The following XKR4 variants were observed in gnomAD, a reference collection of about 807,000 sequenced individuals.
XKR4 encodes XK-related protein 4.
XKR4 carries 12 observed loss-of-function variants against 53.9 expected under a neutral mutation model. That is an observed-to-expected ratio of 0.22 (90% CI 0.14 to 0.36). The LOEUF is 0.36. XKR4 is among the 10% of genes least tolerant of loss of function. XKR4 has a pLI of 1.00. For missense variants in XKR4, 799 were observed against 859.5 expected (o/e 0.93, Z 0.88); for synonymous variants, 354 against 362.4 (o/e 0.98, Z 0.26).
chr8:55,386,291 A>G (rs1307246362), intron 2 of XKR4, among the ~76,000 whole-genome samples: 2 of 152,110 alleles, frequency 1.3e-5, no homozygotes, highest in Admixed American at 6.5e-5. Flanking sequence ...CACTGCATGC[A>G]TGATATCCAC....
chr8:55,134,468 G>A (rs1439479279), intron 1 of XKR4, among the ~76,000 whole-genome samples: 1 of 152,130 alleles, frequency 6.6e-6, no homozygotes, highest in East Asian at 1.9e-4. Context: ...CAAAAAAGAA[G>A]GCAGAGAAAA....
chr8:55,301,482 A>G (rs1280201610), intron 1 of XKR4, among the ~76,000 whole-genome samples: 1 of 152,088 alleles, frequency 6.6e-6, no homozygotes, highest in Admixed American at 6.6e-5. Flanking sequence ...TTATAGCAGC[A>G]TGATTTATAA....
At position 55,445,126 on chromosome 8, in the gene XKR4, C is replaced by T. The variant is rs911003314; in HGVS notation, c.1007-78155C>T. The stretch of plus-strand genomic sequence containing the variant: ...AGGCTGGAGTGCAGTGGTGCGATCT[C>T]GGCTCACTGCAAGCTCCGCCTCCCG... On this transcript the variant is annotated intron_variant, in intron 2 of 2. Coordinates refer to ENST00000327381, the MANE Select transcript of XKR4 (RefSeq NM_052898.2). Among the ~76,000 whole-genome samples the T allele has an allele frequency of 6.6e-5, 10 of 152,108 alleles. No homozygotes were observed. The East Asian group carries it at 7.7e-4, about 12-fold the overall frequency.
chr8:55,424,146 C>G (rs1263738029), intron 2 of XKR4, among the ~76,000 whole-genome samples: 1 of 152,152 alleles, frequency 6.6e-6, no homozygotes, highest in Non-Finnish European at 1.5e-5. Context: ...GGGGCATTGC[C>G]CTGTACCCCA....
chr8:55,255,406 C>T (rs1163940975), intron 1 of XKR4, among the ~76,000 whole-genome samples: 1 of 152,116 alleles, frequency 6.6e-6, no homozygotes, highest in Non-Finnish European at 1.5e-5. Flanking sequence ...CATAATTTCC[C>T]ACACAATTTC....
chr8:55,481,534 A>G (rs1452606924), intron 2 of XKR4, among the ~76,000 whole-genome samples: 2 of 152,244 alleles, frequency 1.3e-5, no homozygotes, highest in African/African-American at 4.8e-5. Context: ...ACAAAAGCCA[A>G]AATTGACAAT....
At chr8:55,205,177 G>A (rs148461493) in intron 1 of XKR4, among the ~76,000 whole-genome samples, 1,729 of 152,290 alleles carry the variant, frequency 0.011, 22 homozygotes, top group Middle Eastern at 0.051. Context: ...CTTATTTTGA[G>A]TAAAGGAGAT....
chr8:55,497,084 G>A (rs928681046), intron 2 of XKR4, among the ~76,000 whole-genome samples: 2 of 152,026 alleles, frequency 1.3e-5, no homozygotes, highest in East Asian at 1.9e-4. Context: ...ATACACTTTC[G>A]TCCATGAAAA....
intron 2 of XKR4, among the ~76,000 whole-genome samples, chr8:55,507,460 C>G (rs549396444): frequency 4.9e-4 from 74 of 152,164 alleles, no homozygotes; most frequent in Admixed American, 4.8e-3. Flanking sequence ...AGTAACTCAT[C>G]ATTTAACATC....
At position 55,306,296 on chromosome 8, in the gene XKR4, G is replaced by A. The variant is rs937190363; in HGVS notation, c.807-51382G>A. Among the ~76,000 whole-genome samples, 4 of 152,138 alleles carry A rather than the reference G, an allele frequency of 2.6e-5. No homozygotes were observed. In the East Asian group the frequency reaches 7.7e-4, roughly 29 times the overall value. ...AGCATCTCCTGCAGGTAGCTATCCA[G>A]CTTTCAAGTACAGAGACACAGCAAA... is the stretch of plus-strand genomic sequence containing the variant. On this transcript the variant is annotated intron_variant, in intron 1 of 2. Transcript: ENST00000327381.
intron 1 of XKR4, among the ~76,000 whole-genome samples, chr8:55,168,854 T>C (rs1377602674): frequency 2.0e-5 from 3 of 152,214 alleles, no homozygotes. Flanking sequence ...CAAGTGTATA[T>C]GCTGAATATT....
chr8:55,174,876 A>G (rs2129358975), intron 1 of XKR4, among the ~76,000 whole-genome samples: 1 of 152,300 alleles, frequency 6.6e-6, no homozygotes, highest in East Asian at 1.9e-4. Flanking sequence ...GTCTCAGCCA[A>G]CGATCCCATA....
intron 2 of XKR4, among the ~76,000 whole-genome samples, chr8:55,474,283 A>C (rs1805942880): frequency 6.6e-6 from 1 of 152,060 alleles, no homozygotes; most frequent in Non-Finnish European, 1.5e-5. Flanking sequence ...CAAAGACATA[A>C]AACTTTACAT....
intron 1 of XKR4, among the ~76,000 whole-genome samples, chr8:55,333,329 A>G (rs1390631452): frequency 6.6e-6 from 1 of 152,038 alleles, no homozygotes; most frequent in Non-Finnish European, 1.5e-5. Flanking sequence ...TGGGCATTTG[A>G]ACAAATAGCC....
chr8:55,179,757 G>C (rs1817282654), intron 1 of XKR4, among the ~76,000 whole-genome samples: 1 of 152,154 alleles, frequency 6.6e-6, no homozygotes, highest in Non-Finnish European at 1.5e-5. Context: ...TGGATTATAA[G>C]AAACAGTGCA....
At position 55,455,088 on chromosome 8, in the gene XKR4, G is replaced by A. The variant is rs554551577; in HGVS notation, c.1007-68193G>A. ...TGGCCCTGGCCTTTCCCACTCCCGC[G>A]CGGGTGCGGCCTGAATGCCACCAGC... On this transcript the variant is annotated intron_variant, in intron 2 of 2. Transcript: ENST00000327381. 9.0e-5 allele frequency: 61 copies of A among 679,338 alleles called. 1 individual carries two copies. The East Asian group carries it at 1.5e-3, about 17-fold the overall frequency. 42.1% of individuals were successfully genotyped at this position (679,338 alleles called of 1,614,324 possible). A position where few individuals can be genotyped will look rare whatever the true frequency, so the allele number is the denominator to read the frequency against.
chr8:55,282,106 C>G (rs1585984983), intron 1 of XKR4, among the ~76,000 whole-genome samples: 1 of 152,182 alleles, frequency 6.6e-6, no homozygotes. Context: ...GGAAAGAACT[C>G]TAGCCATAGT....
At chr8:55,432,257 G>A (rs1239761919) in intron 2 of XKR4, among the ~76,000 whole-genome samples, 1 of 152,146 alleles carries the variant, frequency 6.6e-6, no homozygotes, top group Non-Finnish European at 1.5e-5. Context: ...CCGTTTACTA[G>A]CTATGTGACT....
At chr8:55,150,119 C>A (rs1284203920) in intron 1 of XKR4, among the ~76,000 whole-genome samples, 1 of 152,172 alleles carries the variant, frequency 6.6e-6, no homozygotes, top group East Asian at 1.9e-4. Flanking sequence ...TGCATTACTG[C>A]TCTAAGATTA....
Sources: allele counts gnomAD v4.1 joint callset (sites outside exome capture counted in the v4.1 genomes callset), GRCh38; gene constraint gnomAD v4.1.1; transcripts MANE v1.5; gene names NCBI Gene and HGNC (gene_info 2026-07-23, HGNC 2026-07-21).